NCOR2: variants seen among roughly 807,000 people sequenced by gnomAD.
NCOR2 encodes the protein CTG repeat protein 26.
A neutral mutation model predicts 262.9 loss-of-function variants in NCOR2; 81 were observed. That is an observed-to-expected ratio of 0.31 (90% CI 0.26 to 0.37). The LOEUF is 0.37. NCOR2 is among the 10% of genes least tolerant of loss of function. NCOR2 has a pLI of 1.00. For missense variants in NCOR2, 3,385 were observed against 3,621.4 expected (o/e 0.93, Z 1.68); for synonymous variants, 1,659 against 1,559.3 (o/e 1.06, Z -1.51).
chr12:124,462,580 C>T (rs1190015306), intron 5 of NCOR2, among the ~76,000 whole-genome samples: 1 of 152,238 alleles, frequency 6.6e-6, no homozygotes, highest in East Asian at 1.9e-4. Context: ...CCCCTGGACC[C>T]TGGGGGCAGT....
chr12:124,359,035 G>A (rs1313726423), intron 22 of NCOR2, among the ~76,000 whole-genome samples: 1 of 152,246 alleles, frequency 6.6e-6, no homozygotes, highest in Non-Finnish European at 1.5e-5. Context: ...ATGGCCTGCG[G>A]CAGAGAAGCA....
chr12:124,351,161 G>T (rs1393224145), intron 27 of NCOR2, among the ~76,000 whole-genome samples: 4 of 152,172 alleles, frequency 2.6e-5, no homozygotes, highest in Non-Finnish European at 5.9e-5. Context: ...CCACCACTGC[G>T]TGGGGTCTAC....
intron 1 of NCOR2, among the ~76,000 whole-genome samples, chr12:124,520,523 C>G (rs2050124301): frequency 6.6e-6 from 1 of 152,212 alleles, no homozygotes; most frequent in African/African-American, 2.4e-5. Context: ...CGACTGTGTG[C>G]TATGGGCAGG....
chr12:124,369,774 G>A (rs1036437378), intron 20 of NCOR2, among the ~76,000 whole-genome samples: 6 of 152,140 alleles, frequency 3.9e-5, no homozygotes, highest in Admixed American at 2.0e-4. Flanking sequence ...GCTGGACACT[G>A]GGCAAGGGGT....
rs545215360 is a variant in NCOR2, at chr12:124,562,942, A to G, written c.-165+4366T>C. On this transcript the variant is annotated intron_variant, in intron 1 of 32. Coordinates refer to the NCOR2 transcript ENST00000458234. Reference sequence around the variant, plus strand: ...GGAGCTCATTATATCTCACAACCATAAAGTCAGAAGCAGCAGCAGCACCCC... The same window carrying G: ...GGAGCTCATTATATCTCACAACCATGAAGTCAGAAGCAGCAGCAGCACCCC... Among the ~76,000 whole-genome samples, 6 of 152,314 alleles carry G rather than the reference A, an allele frequency of 3.9e-5. No homozygotes were observed. In the South Asian group the frequency reaches 1.0e-3, roughly 26 times the overall value.
exon 45 of NCOR2, chr12:124,327,554 T>C: frequency 6.2e-7 from 1 of 1,613,670 alleles, no homozygotes; most frequent in Non-Finnish European, 8.5e-7. Context: ...TACCCATGAG[T>C]GCCTTTCTAA....
At position 124,503,671 on chromosome 12, in the gene NCOR2, AATGG is replaced by A. The variant is rs140410776; in HGVS notation, c.-117-8307_-117-8304del. Among the ~76,000 whole-genome samples, 1,485 of 122,164 alleles carry A rather than the reference AATGG, an allele frequency of 0.012. 9 individuals carry two copies. The highest frequency in any genetic ancestry group is 0.023 in the Middle Eastern group (5 of 216). 80.1% of individuals were successfully genotyped at this position (122,164 alleles called of 152,430 possible). On this transcript the variant is annotated intron_variant, in intron 1 of 46. Coordinates refer to the NCOR2 transcript ENST00000404621. The surrounding 1 kb of genome is among the most constrained non-coding windows in gnomAD (Gnocchi z 4.3). ...GGATGGATGGATGGATGGACGGGTG[AATGG>A]ATGGATGGATGGATGGATGGATGGA...
At chr12:124,495,789 C>T (rs1023349778), upstream of NCOR2, among the ~76,000 whole-genome samples, 1 of 152,186 alleles carries the variant, frequency 6.6e-6, no homozygotes, top group African/African-American at 2.4e-5. This position sits in a 1 kb window ranked among gnomAD's most constrained non-coding sequence, Gnocchi z 4.4. Flanking sequence ...AGGGACATCA[C>T]ACACCGCTGT....
intron 11 of NCOR2, 77 bp from the exon 14 acceptor site, chr12:124,422,632 G>T: frequency 1.5e-5 from 24 of 1,561,916 alleles, no homozygotes; most frequent in Non-Finnish European, 2.1e-5. Context: ...GCTCCCAGGC[G>T]CCTGCCATCC....
chr12:124,387,820 G>A lies in NCOR2; in HGVS notation c.1877-1933C>T, dbSNP rs182512957. Among the ~76,000 whole-genome samples, 21 of 152,278 alleles carry A rather than the reference G, an allele frequency of 1.4e-4. No homozygotes were observed. In the East Asian group the frequency reaches 3.7e-3, roughly 27 times the overall value. On this transcript the variant is annotated intron_variant, in intron 16 of 46. Coordinates refer to ENST00000405201, the Ensembl canonical transcript of NCOR2. ...CCAAGAGAGCCCAGGCAAACACACC[G>A]GGCCAGAGGGATCACAGACCCGGCA...
chr12:124,380,615 G>A lies in NCOR2; in HGVS notation c.2020-2231C>T, dbSNP rs911518578. On this transcript the variant is annotated intron_variant, in intron 17 of 46. Transcript: ENST00000405201. The stretch of plus-strand genomic sequence containing the variant: ...CGGCCGAGGGCTCCCCCTGCTTCCC[G>A]AATCTATTTTTGGCAGACAGAGGCT... 4.4e-4 allele frequency among the ~76,000 whole-genome samples: 67 copies of A among 152,128 alleles called. 1 individual carries two copies. Among genetic ancestry groups the A allele is most frequent in the African/African-American group, 1.5e-3 (63 of 41,424 alleles).
intron 41 of NCOR2, among the ~76,000 whole-genome samples, chr12:124,334,028 G>GTGTGTGCGCGCATGTGTGT (rs1593094229): frequency 1.5e-4 from 23 of 150,170 alleles, no homozygotes; most frequent in Non-Finnish European, 2.7e-4. Flanking sequence ...GTGCATGTGT[G>GTGTGTGCGCGCATGTGTGT]GAAAGGCTGC....
At chr12:124,493,309 A>G (rs2048195902) in intron 1 of NCOR2, among the ~76,000 whole-genome samples, 1 of 152,218 alleles carries the variant, frequency 6.6e-6, no homozygotes. Flanking sequence ...AGAAGCCAGC[A>G]GCACCCCCAG....
At chr12:124,452,027 C>A (rs1021527250) in intron 6 of NCOR2, among the ~76,000 whole-genome samples, 9 of 152,234 alleles carry the variant, frequency 5.9e-5, no homozygotes, top group Non-Finnish European at 8.8e-5. Context: ...TGTCATCCTG[C>A]AGCTGCCATG....
At chr12:124,357,244 C>A (rs1380413385) in intron 22 of NCOR2, among the ~76,000 whole-genome samples, 1 of 152,198 alleles carries the variant, frequency 6.6e-6, no homozygotes, top group Non-Finnish European at 1.5e-5. Flanking sequence ...CACCTCTGGG[C>A]TCAAGTGATT....
chr12:124,334,764 G>A, intron 40 of NCOR2, 147 bp from the exon 43 acceptor site: 1 of 573,710 alleles, frequency 1.7e-6, no homozygotes, highest in Non-Finnish European at 3.0e-6. Context: ...CCACCCTCTG[G>A]GCCTCCGTGT....
chr12:124,403,434 AGAG>A (rs2042092809), intron 13 of NCOR2, among the ~76,000 whole-genome samples: 5 of 151,666 alleles, frequency 3.3e-5, no homozygotes, highest in Admixed American at 3.3e-4. Flanking sequence ...TCACCGAGAT[AGAG>A]GAGGGAGTGT....
At chr12:124,392,605 C>G (rs955419182) in intron 16 of NCOR2, among the ~76,000 whole-genome samples, 2 of 152,256 alleles carry the variant, frequency 1.3e-5, no homozygotes, top group African/African-American at 4.8e-5. Flanking sequence ...CCGGCCCGCC[C>G]ACCCCACTGT....
At chr12:124,339,893 G>GACCCCCCC in intron 37 of NCOR2, 113 bp downstream of exon 39, 3 of 565,994 alleles carry the variant, frequency 5.3e-6, no homozygotes, top group South Asian at 4.1e-5. Context: ...CCACACATCT[G>GACCCCCCC]CCCACCCACC....
Sources: gnomAD v4.1 joint callset for allele counts (sites outside exome capture counted in the v4.1 genomes callset) on GRCh38, gnomAD v4.1.1 for gene constraint, Gnocchi (gnomAD v3.1) non-coding constraint, MANE v1.5 for transcripts, NCBI Gene and HGNC (gene_info 2026-07-23, HGNC 2026-07-21) for gene names.